RIC1: variants seen among roughly 807,000 people sequenced by gnomAD.
RIC1 encodes the protein RIC1 partner of RAB6A GEF complex.
A neutral mutation model predicts 169.0 loss-of-function variants in RIC1; 88 were observed. That is an observed-to-expected ratio of 0.52 (90% confidence interval 0.44 to 0.62). The LOEUF (loss-of-function observed/expected upper bound fraction) is 0.62, where lower values mean the gene tolerates loss of function less well. Ranked by LOEUF, RIC1 falls within the 20% of genes least tolerant of loss-of-function variation. RIC1 has a pLI of 0.00. For synonymous variants in RIC1, 790 were observed against 601.5 expected (o/e 1.31, Z -4.59); for missense variants, 1,877 against 1,725.5 (o/e 1.09, Z -1.56).
chr9:5,733,458 G>A (rs912958802), intron 7 of RIC1, among the ~76,000 whole-genome samples: 1 of 151,798 alleles, frequency 6.6e-6, no homozygotes, highest in African/African-American at 2.4e-5. Flanking sequence ...TAGTAGAGCA[G>A]GCATTTCACC....
intron 2 of RIC1, among the ~76,000 whole-genome samples, chr9:5,678,174 A>C (rs1364063079): frequency 6.6e-6 from 1 of 152,150 alleles, no homozygotes; most frequent in Non-Finnish European, 1.5e-5. Context: ...AAAGGACATG[A>C]ACTCATCCTT....
Position 5,738,560 on chromosome 9 carries a change from T to TA in RIC1, c.901+22_901+23insA, listed in dbSNP as rs750973465. 3.1e-5 allele frequency: 46 copies of TA among 1,473,872 alleles called. No individual in the cohort carries two copies. The Admixed American group carries it at 3.6e-4, about 11-fold the overall frequency. 91.3% of individuals were successfully genotyped at this position (1,473,872 alleles called of 1,614,324 possible). Reference sequence around the variant, plus strand: ...CCTGGTGAGTCTTTTTTTTTTTTTTTTTTTTTAACATTTTTAATGTACTGG... The same window carrying TA: ...CCTGGTGAGTCTTTTTTTTTTTTTTTATTTTTTAACATTTTTAATGTACTGG... On this transcript the variant is annotated intron_variant, in intron 8 of 25. Coordinates refer to ENST00000414202, the MANE Select transcript of RIC1 (RefSeq NM_020829.4).
At chr9:5,728,665 T>G (rs1824160382) in intron 6 of RIC1, among the ~76,000 whole-genome samples, 1 of 152,206 alleles carries the variant, frequency 6.6e-6, no homozygotes, top group African/African-American at 2.4e-5. Context: ...TTGGCCATCT[T>G]GGAACCTCCC....
intron 2 of RIC1, among the ~76,000 whole-genome samples, chr9:5,687,133 A>G (rs1438778552): frequency 2.0e-5 from 3 of 152,176 alleles, no homozygotes; most frequent in African/African-American, 4.8e-5. Context: ...TTGTCATATT[A>G]ATAATGTGAC....
intron 3 of RIC1, among the ~76,000 whole-genome samples, chr9:5,698,402 A>G (rs1273968228): frequency 6.6e-6 from 1 of 152,106 alleles, no homozygotes; most frequent in East Asian, 1.9e-4. Context: ...CCATAGAAAC[A>G]TTTTATTTTT....
chr9:5,695,957 T>A (rs1022925466), intron 3 of RIC1, among the ~76,000 whole-genome samples: 2 of 152,182 alleles, frequency 1.3e-5, no homozygotes, highest in African/African-American at 4.8e-5. Flanking sequence ...TTTGCTAAAC[T>A]TTTTTGCAGT....
intron 2 of RIC1, among the ~76,000 whole-genome samples, chr9:5,679,159 A>G (rs1003251218): frequency 1.2e-4 from 18 of 152,148 alleles, no homozygotes; most frequent in African/African-American, 4.1e-4. Flanking sequence ...AGTTGTAGAT[A>G]TGTGGCATTA....
intron 6 of RIC1, among the ~76,000 whole-genome samples, chr9:5,730,500 G>A (rs1824304849): frequency 6.6e-6 from 1 of 152,108 alleles, no homozygotes; most frequent in Non-Finnish European, 1.5e-5. Context: ...AAATTAAAGG[G>A]CAAATAATGT....
chr9:5,671,271 A>ATTTT (rs1179633145), intron 2 of RIC1, among the ~76,000 whole-genome samples: 110 of 146,822 alleles, frequency 7.5e-4, no homozygotes, highest in African/African-American at 2.8e-3. Flanking sequence ...TATTATTATT[A>ATTTT]TTATTTTTTT....
At chr9:5,761,468 T>C (rs920274379) in intron 17 of RIC1, among the ~76,000 whole-genome samples, 2 of 152,164 alleles carry the variant, frequency 1.3e-5, no homozygotes, top group Admixed American at 6.5e-5. Context: ...TCTGATTTAG[T>C]GATTGCTCAC....
intron 15 of RIC1, 92 bp downstream of exon 15, chr9:5,755,022 T>C: frequency 2.8e-6 from 2 of 725,082 alleles, no homozygotes; most frequent in Non-Finnish European, 4.2e-6. Context: ...GATTGAAAAC[T>C]GAACAAAACA....
At position 5,664,409 on chromosome 9, in the gene RIC1, C is replaced by CA. The variant is rs113901097; in HGVS notation, c.252+7731dup. 8.8e-3 allele frequency among the ~76,000 whole-genome samples: 1,238 copies of CA among 140,978 alleles called. 22 individuals carry two copies. Among genetic ancestry groups the CA allele is most frequent in the African/African-American group, 0.029 (1,113 of 38,462 alleles). The allele number at this position is 140,978 out of a possible 152,430, so 92.5% of individuals were successfully genotyped here. On this transcript the variant is annotated intron_variant, in intron 2 of 25. Transcript: ENST00000414202. Reference sequence around the variant, plus strand: ...GCCTGGCAACGGAGCGAGACTCTGTCAAAAAAAAAAAAGAATGTTTAATAT... The same window carrying CA: ...GCCTGGCAACGGAGCGAGACTCTGTCAAAAAAAAAAAAAGAATGTTTAATAT...
chr9:5,762,272 G>A (rs1826387969), intron 17 of RIC1, among the ~76,000 whole-genome samples: 1 of 152,124 alleles, frequency 6.6e-6, no homozygotes, highest in Non-Finnish European at 1.5e-5. Context: ...AACTTCTAAA[G>A]TTGTCTTAGC....
chr9:5,712,692 A>G (rs1823005060), intron 3 of RIC1, among the ~76,000 whole-genome samples: 1 of 152,226 alleles, frequency 6.6e-6, no homozygotes, highest in Non-Finnish European at 1.5e-5. Context: ...TTAAAACCAG[A>G]TATATTAATA....
intron 1 of RIC1, among the ~76,000 whole-genome samples, chr9:5,632,011 T>A (rs1817737579): frequency 6.6e-6 from 1 of 152,182 alleles, no homozygotes; most frequent in Non-Finnish European, 1.5e-5. Flanking sequence ...AAGCTTTGAT[T>A]TTTGAGAGGC....
intron 6 of RIC1, among the ~76,000 whole-genome samples, chr9:5,724,597 T>C (rs1018842240): frequency 6.6e-6 from 1 of 152,234 alleles, no homozygotes; most frequent in African/African-American, 2.4e-5. Context: ...CAACACTGTG[T>C]TGAATAGGAG....
intron 1 of RIC1, among the ~76,000 whole-genome samples, chr9:5,648,599 A>T (rs1818648691): frequency 6.6e-6 from 1 of 152,140 alleles, no homozygotes; most frequent in Admixed American, 6.5e-5. Context: ...AAATCTTCAT[A>T]CTGTTTTTGG....
At chr9:5,723,966 G>A (rs1294680568) in intron 6 of RIC1, among the ~76,000 whole-genome samples, 1 of 152,126 alleles carries the variant, frequency 6.6e-6, no homozygotes, top group Non-Finnish European at 1.5e-5. Flanking sequence ...CTGTAGCCTT[G>A]TAGTATAGTT....
At chr9:5,636,491 T>C (rs1817979289) in intron 1 of RIC1, among the ~76,000 whole-genome samples, 1 of 152,086 alleles carries the variant, frequency 6.6e-6, no homozygotes, top group Admixed American at 6.6e-5. Flanking sequence ...GGCTAATTTT[T>C]GTATTTTTAG....
Sources: gnomAD v4.1 joint callset for allele counts (sites outside exome capture counted in the v4.1 genomes callset) on GRCh38, gnomAD v4.1.1 for gene constraint, MANE v1.5 for transcripts, NCBI Gene and HGNC (gene_info 2026-07-23, HGNC 2026-07-21) for gene names.